E2F6: variants seen among roughly 807,000 people sequenced by gnomAD.
The protein encoded by E2F6 is E2F transcription factor 6.
A neutral mutation model predicts 31.5 loss-of-function variants in E2F6; 19 were observed. The observed-to-expected ratio is 0.60, with a 90% confidence interval of 0.42 to 0.89. The LOEUF is 0.89. Ranked by LOEUF, E2F6 falls within the 40% of genes least tolerant of loss-of-function variation. The pLI is 0.00. For synonymous variants in E2F6, 121 were observed against 127.7 expected (o/e 0.95, Z 0.36); for missense variants, 269 against 341.6 (o/e 0.79, Z 1.67).
At chr2:11,452,178 T>G (rs934040089) in intron 3 of E2F6, among the ~76,000 whole-genome samples, 3 of 152,222 alleles carry the variant, frequency 2.0e-5, no homozygotes, top group African/African-American at 7.2e-5. Flanking sequence ...GTACAGTACT[T>G]GAGTTCCTAC....
Position 11,446,500 on chromosome 2 carries a change from C to G in E2F6, c.823G>C (p.Glu275Gln), listed in dbSNP as rs775332275. The change falls in exon 7 of 7, where the codon GAA becomes CAA. Residue 275 changes from glutamate (E) to glutamine (Q), a missense_variant. Physicochemically the swap from Glu to Gln is conservative, Grantham distance 29. Coordinates refer to ENST00000381525, the MANE Select transcript of E2F6 (RefSeq NM_198256.4). ...CATCAGTTGCTTACTTCAAGCAATT[C>G]TTCACTTTGCTGAGGATTTTCTTCT... The part of the protein sequence containing the change: ...EEEENPQQSE[E>Q]LLEVSN 1 of 1,613,176 alleles carries G rather than the reference C, an allele frequency of 6.2e-7. No individual in the cohort carries two copies. Among genetic ancestry groups the G allele is most frequent in the African/African-American group, 1.3e-5 (1 of 74,898 alleles).
chr2:11,453,131 C>A (rs762753226), intron 3 of E2F6, among the ~76,000 whole-genome samples: 3 of 151,912 alleles, frequency 2.0e-5, no homozygotes, highest in Non-Finnish European at 4.4e-5. Context: ...TTCTCCTCAT[C>A]ATGTCAAGTC....
In E2F6 at chr2:11,447,784, GAC is replaced by G. The variant is rs1558449849; in HGVS notation, c.652-12_652-11del. The G allele has an allele frequency of 5.0e-6, 8 of 1,602,424 alleles. No homozygotes were observed. The highest frequency in any genetic ancestry group is 5.1e-6 in the Non-Finnish European group (6 of 1,176,732). On this transcript the variant is annotated splice_polypyrimidine_tract_variant and intron_variant, in intron 5 of 6. Transcript: ENST00000381525. ...GCACTGTGATAGAGTCCTAGCAAAG[GAC>G]ACAGGAATCGTCAAGATGAATGAAA...
chr2:11,450,683 T>TTTAC (rs1185411155), intron 4 of E2F6, among the ~76,000 whole-genome samples: 1 of 152,224 alleles, frequency 6.6e-6, no homozygotes, highest in Non-Finnish European at 1.5e-5. Context: ...GTCTTTTTCG[T>TTTAC]CTTGTCTCAC....
At chr2:11,465,524 G>A (rs1672110602) in intron 1 of E2F6, among the ~76,000 whole-genome samples, 1 of 152,254 alleles carries the variant, frequency 6.6e-6, no homozygotes, top group African/African-American at 2.4e-5. Flanking sequence ...CTAATGCAAA[G>A]TTGAGCAATT....
intron 4 of E2F6, chr2:11,451,348 CT>C (rs61072678): frequency 0.39 from 40,613 of 105,288 alleles, 4,872 homozygotes; most frequent in East Asian, 0.52. Context: ...TTTTACCTAA[CT>C]TTTTTTTTTT....
At chr2:11,457,392 G>C (rs1382179520) in intron 1 of E2F6, among the ~76,000 whole-genome samples, 159 bp from the exon 2 acceptor site, 1 of 152,206 alleles carries the variant, frequency 6.6e-6, no homozygotes, top group Admixed American at 6.5e-5. Flanking sequence ...GGGAGGCCGA[G>C]GCAGGTGCAT....
intron 1 of E2F6, among the ~76,000 whole-genome samples, chr2:11,460,308 A>T (rs140436534): frequency 0.037 from 393 of 10,618 alleles, no homozygotes; most frequent in Admixed American, 0.066. Flanking sequence ...ACCCATTCAA[A>T]TTTTCCTTAT....
chr2:11,445,755 T>C lies in E2F6; in HGVS notation c.*722A>G, dbSNP rs2148329518. 6.6e-6 allele frequency: 1 copy of C among 152,206 alleles called. No homozygotes were observed. The highest frequency in any genetic ancestry group is 6.5e-5 in the Admixed American group (1 of 15,280). 9.4% of individuals were successfully genotyped at this position (152,206 alleles called of 1,614,324 possible). On this transcript the variant is annotated 3_prime_UTR_variant, in exon 7 of 7. Coordinates refer to ENST00000381525, the MANE Select transcript of E2F6 (RefSeq NM_198256.4). ...AGGTAGACAGCTTAAAACCAAGAAG[T>C]ATCTGACTCCAATTTTAGCACTGAA...
intron 2 of E2F6, chr2:11,455,426 G>A (rs1242766237): frequency 7.7e-7 from 1 of 1,291,040 alleles, no homozygotes; most frequent in East Asian, 5.6e-5. Context: ...AGGAACAAAG[G>A]TACATATTTC....
chr2:11,454,124 C>G (rs189200267), intron 2 of E2F6, among the ~76,000 whole-genome samples: 1 of 152,306 alleles, frequency 6.6e-6, no homozygotes, highest in African/African-American at 2.4e-5. Context: ...CCATACCACT[C>G]TCAGGAATAG....
chr2:11,454,415 C>T (rs1430495839), intron 2 of E2F6, among the ~76,000 whole-genome samples: 1 of 150,440 alleles, frequency 6.6e-6, no homozygotes, highest in African/African-American at 2.5e-5. Context: ...AGTGCAGTGG[C>T]GCGATCCTGG....
chr2:11,459,655 G>A (rs1399469443), intron 1 of E2F6, among the ~76,000 whole-genome samples: 1 of 152,006 alleles, frequency 6.6e-6, no homozygotes, highest in Non-Finnish European at 1.5e-5. Flanking sequence ...GGGGTGGGGG[G>A]AGGAGATCAC....
chr2:11,451,624 T>A, intron 4 of E2F6, 27 bp downstream of exon 4: 1 of 1,576,736 alleles, frequency 6.3e-7, no homozygotes, highest in Admixed American at 1.9e-5. Context: ...AGCAGAAATT[T>A]TAAAAAGGTA....
intron 2 of E2F6, among the ~76,000 whole-genome samples, chr2:11,454,775 C>T (rs1671300894): frequency 6.6e-6 from 1 of 152,086 alleles, no homozygotes; most frequent in African/African-American, 2.4e-5. Flanking sequence ...ACACACACAC[C>T]TCTAACACAT....
intron 4 of E2F6, chr2:11,451,133 G>C (rs768897803): frequency 6.6e-6 from 1 of 152,132 alleles, no homozygotes. Flanking sequence ...GGAAAAACAT[G>C]AACTTCACAA....
chr2:11,446,477 T>C lies in E2F6; in HGVS notation c.846A>G (p.Ter282TrpextTer24). The change falls in exon 7 of 7, where the codon TGA becomes TGG. Residue 282 changes from the stop codon to tryptophan (W), a stop_lost. Coordinates refer to ENST00000381525, the MANE Select transcript of E2F6 (RefSeq NM_198256.4). ...GTGATACATAAATTCTCAAATGCCA[T>C]CAGTTGCTTACTTCAAGCAATTCTT... ...QSEELLEVSN[*>W] is the part of the protein sequence containing the mutation. 1.2e-6 allele frequency: 2 copies of C among 1,609,418 alleles called. No individual in the cohort carries two copies. Among genetic ancestry groups the C allele is most frequent in the Non-Finnish European group, 1.7e-6 (2 of 1,176,982 alleles).
At chr2:11,457,272 AAAC>A (rs750997033) in intron 1 of E2F6, 39 bp from the exon 2 acceptor site, 4 of 1,255,982 alleles carry the variant, frequency 3.2e-6, no homozygotes, top group Non-Finnish European at 4.6e-6. Flanking sequence ...AGTGATTTTA[AAAC>A]AACAATGCAA....
chr2:11,465,116 T>G (rs1672061236), intron 1 of E2F6, among the ~76,000 whole-genome samples: 1 of 137,898 alleles, frequency 7.3e-6, no homozygotes, highest in Non-Finnish European at 1.5e-5. Flanking sequence ...AGGTGGGGGT[T>G]GCAGTGAGCT....
Sources: allele counts gnomAD v4.1 joint callset (sites outside exome capture counted in the v4.1 genomes callset), GRCh38; gene constraint gnomAD v4.1.1; transcripts MANE v1.5; gene names NCBI Gene and HGNC (gene_info 2026-07-23, HGNC 2026-07-21).